KCNIP4: variants seen among roughly 807,000 people sequenced by gnomAD.
The protein encoded by KCNIP4 is Kv channel-interacting protein 4.
A neutral mutation model predicts 34.0 loss-of-function variants in KCNIP4; 12 were observed. The observed-to-expected ratio is 0.35, with a 90% CI of 0.23 to 0.57. The LOEUF is 0.57. KCNIP4 is among the 20% of genes least tolerant of loss of function. KCNIP4 has a pLI of 0.83. For synonymous variants in KCNIP4, 124 were observed against 102.2 expected (o/e 1.21, Z -1.29); for missense variants, 238 against 311.7 (o/e 0.76, Z 1.78).
intron 1 of KCNIP4, among the ~76,000 whole-genome samples, chr4:21,884,898 C>T (rs536056339): frequency 3.7e-4 from 57 of 152,176 alleles, no homozygotes; most frequent in African/African-American, 1.3e-3. Flanking sequence ...GGCTCCAGCT[C>T]ACTACTCAGG....
chr4:20,987,184 G>A (rs1043553132), intron 1 of KCNIP4, among the ~76,000 whole-genome samples: 61 of 152,244 alleles, frequency 4.0e-4, no homozygotes, highest in African/African-American at 1.4e-3. Context: ...TAACTTAGGA[G>A]TTTGAGACCA....
chr4:21,104,875 T>C (rs1269733289), intron 1 of KCNIP4, among the ~76,000 whole-genome samples: 1 of 151,710 alleles, frequency 6.6e-6, no homozygotes, highest in Non-Finnish European at 1.5e-5. Flanking sequence ...TGCTTGTTTT[T>C]GTCAGGTTTG....
At chr4:20,739,276 T>G (rs1750471184) in intron 5 of KCNIP4, among the ~76,000 whole-genome samples, 1 of 152,340 alleles carries the variant, frequency 6.6e-6, no homozygotes, top group Non-Finnish European at 1.5e-5. Flanking sequence ...ACAGACAGAC[T>G]GCCTCCTCAA....
At chr4:21,140,634 TAATG>T (rs1751878979) in intron 1 of KCNIP4, among the ~76,000 whole-genome samples, 1 of 152,170 alleles carries the variant, frequency 6.6e-6, no homozygotes, top group South Asian at 2.1e-4. Flanking sequence ...TCTTATCTCC[TAATG>T]AATCAAGTCC....
intron 1 of KCNIP4, among the ~76,000 whole-genome samples, chr4:21,449,190 A>G (rs980333434): frequency 1.5e-4 from 23 of 152,172 alleles, no homozygotes; most frequent in Admixed American, 1.3e-4. Flanking sequence ...TTACACACTA[A>G]TGGAGCTTAC....
chr4:21,499,464 A>G (rs1560463218), intron 1 of KCNIP4, among the ~76,000 whole-genome samples: 1 of 152,150 alleles, frequency 6.6e-6, no homozygotes, highest in Non-Finnish European at 1.5e-5. Flanking sequence ...ATTCTGTGGT[A>G]GCATAAATGC....
At chr4:21,130,716 C>T (rs1229238337) in intron 1 of KCNIP4, among the ~76,000 whole-genome samples, 1 of 152,060 alleles carries the variant, frequency 6.6e-6, no homozygotes, top group Non-Finnish European at 1.5e-5. Flanking sequence ...CAAATTTGCC[C>T]TATAACTCTG....
At chr4:20,811,305 C>T (rs1274261692) in intron 3 of KCNIP4, among the ~76,000 whole-genome samples, 1 of 152,110 alleles carries the variant, frequency 6.6e-6, no homozygotes, top group Non-Finnish European at 1.5e-5. Flanking sequence ...ATGATATGGC[C>T]ATGGCACCAA....
chr4:21,380,724 C>T (rs4696976), intron 1 of KCNIP4, among the ~76,000 whole-genome samples: 127,692 of 151,842 alleles, frequency 0.84, 54,066 homozygotes, highest in Non-Finnish European at 0.89. Flanking sequence ...TAACTACTTA[C>T]TACTCACCAT....
chr4:20,795,446 T>C (rs1248202945), intron 3 of KCNIP4, among the ~76,000 whole-genome samples: 1 of 152,174 alleles, frequency 6.6e-6, no homozygotes, highest in Non-Finnish European at 1.5e-5. Context: ...CATTCTAATT[T>C]GTCATAGTTT....
At chr4:21,423,974 AT>A (rs548252863) in intron 1 of KCNIP4, among the ~76,000 whole-genome samples, 83 of 144,918 alleles carry the variant, frequency 5.7e-4, no homozygotes, top group Admixed American at 2.5e-3. Context: ...TGCCCGGCCA[AT>A]TTTTTTTTTT....
chr4:21,601,905 G>T (rs750057210), intron 1 of KCNIP4, among the ~76,000 whole-genome samples: 2 of 152,058 alleles, frequency 1.3e-5, no homozygotes, highest in Admixed American at 6.6e-5. Context: ...ACCATCAAAC[G>T]CTAAGTGTCC....
intron 1 of KCNIP4, among the ~76,000 whole-genome samples, chr4:21,908,109 G>A (rs1271578367): frequency 6.6e-6 from 1 of 152,016 alleles, no homozygotes; most frequent in African/African-American, 2.4e-5. Context: ...AGAATTCCAA[G>A]CAAAGTTCAC....
chr4:21,871,921 T>A (rs1381557261), intron 1 of KCNIP4, among the ~76,000 whole-genome samples: 1 of 151,844 alleles, frequency 6.6e-6, no homozygotes, highest in East Asian at 1.9e-4. Context: ...TCTCCCCTGC[T>A]GCAAAACCAC....
At chr4:21,278,180 C>T (rs1014966714) in intron 1 of KCNIP4, among the ~76,000 whole-genome samples, 5 of 151,806 alleles carry the variant, frequency 3.3e-5, no homozygotes, top group African/African-American at 1.2e-4. Flanking sequence ...GGAATGTAAC[C>T]CAAGAAAGAG....
intron 3 of KCNIP4, among the ~76,000 whole-genome samples, chr4:20,792,667 T>C (rs972949880): frequency 6.6e-5 from 10 of 152,124 alleles, no homozygotes; most frequent in Non-Finnish European, 1.0e-4. Flanking sequence ...AGCAAAAATA[T>C]TGTCCATAAT....
intron 1 of KCNIP4, among the ~76,000 whole-genome samples, chr4:20,905,853 G>GAA (rs1727706043): frequency 6.6e-6 from 1 of 151,730 alleles, no homozygotes; most frequent in Non-Finnish European, 1.5e-5. Flanking sequence ...AAGGTATAGG[G>GAA]AAAAAAACAG....
intron 1 of KCNIP4, among the ~76,000 whole-genome samples, chr4:21,310,455 G>A (rs1006381735): frequency 3.9e-5 from 6 of 152,030 alleles, no homozygotes; most frequent in African/African-American, 4.8e-5. Flanking sequence ...ATTCTGGTGC[G>A]CAAAATCAGC....
chr4:21,913,135 G>C (rs1728433624), intron 1 of KCNIP4, among the ~76,000 whole-genome samples: 1 of 151,964 alleles, frequency 6.6e-6, no homozygotes, highest in Admixed American at 6.5e-5. Flanking sequence ...GCCTTTAAAA[G>C]GTTGTTAGGC....
Sources: gnomAD v4.1 joint callset for allele counts (sites outside exome capture counted in the v4.1 genomes callset) on GRCh38, gnomAD v4.1.1 for gene constraint, MANE v1.5 for transcripts, NCBI Gene and HGNC (gene_info 2026-07-23, HGNC 2026-07-21) for gene names.